ADAMTSL5: variants seen among roughly 807,000 people sequenced by gnomAD.
ADAMTSL5 encodes the protein ADAMTS-like protein 5.
ADAMTSL5 carries 53 observed loss-of-function variants against 51.7 expected under a neutral mutation model. The ratio of observed to expected loss-of-function variants is 1.03; its 90% CI spans 0.82 to 1.29. ADAMTSL5 has a LOEUF of 1.29. Ranked by LOEUF, ADAMTSL5 falls within the 50% of genes most tolerant of loss-of-function variation. The pLI, the probability that ADAMTSL5 is intolerant of heterozygous loss-of-function variation, is 0.00. For synonymous variants in ADAMTSL5, 285 were observed against 278.7 expected (o/e 1.02, Z -0.23); for missense variants, 770 against 676.2 (o/e 1.14, Z -1.54).
chr19:1,512,812 AC>A (rs147132400), intron 1 of ADAMTSL5, among the ~76,000 whole-genome samples, 150 bp downstream of exon 1: 9,854 of 152,028 alleles, frequency 0.065, 392 homozygotes, highest in Middle Eastern at 0.19. Context: ...GGACCACCCT[AC>A]CCCCTCCTCA....
chr19:1,507,144 T>A, intron 9 of ADAMTSL5, 98 bp downstream of exon 9: 2 of 1,007,368 alleles, frequency 2.0e-6, no homozygotes, highest in Non-Finnish European at 1.3e-6. Flanking sequence ...AGACTCCCCC[T>A]TCTGGCCCCA....
In ADAMTSL5 at chr19:1,507,325, T is replaced by TGCC; in HGVS notation, c.766_768dup (p.Gly256dup). ...GTGTCTCGGGTGTAGACCACATGCG[T>TGCC]GCCGGCCGCCTCGTAGGTCCCTGGT... On this transcript the variant is annotated inframe_insertion, in exon 9 of 12. Coordinates refer to ENST00000330475, the MANE Select transcript of ADAMTSL5 (RefSeq NM_213604.3). 6.3e-7 allele frequency: 1 copy of TGCC among 1,595,966 alleles called. No homozygotes were observed. The highest frequency in any genetic ancestry group is 8.5e-7 in the Non-Finnish European group (1 of 1,170,354).
At chr19:1,507,454 A>G (rs1408891037) in intron 8 of ADAMTSL5, 49 bp from the exon 9 acceptor site, 1 of 1,603,978 alleles carries the variant, frequency 6.2e-7, no homozygotes, top group East Asian at 2.2e-5. Flanking sequence ...CGTCTCCCAG[A>G]CCCTGGGGTC....
In ADAMTSL5 at chr19:1,508,499, C is replaced by A; in HGVS notation, c.433G>T (p.Asp145Tyr). 1.3e-6 allele frequency: 2 copies of A among 1,587,436 alleles called. No homozygotes were observed. Among genetic ancestry groups the A allele is most frequent in the Non-Finnish European group, 8.5e-7 (1 of 1,173,712 alleles). ...AFYHSFGRVL[D>Y]GTACSPGAQG... ...GCACCCGGGCTGCAGGCGGTGCCGT[C>A]CAGGACGCGGCCGAAGCTGTGGTAG... Residue 145 changes from aspartate (D) to tyrosine (Y), a missense_variant, in exon 6 of 12, where the codon GAC (aspartate) becomes TAC (tyrosine). Transcript: ENST00000330475.
chr19:1,505,961 A>G lies in ADAMTSL5; in HGVS notation c.*54T>C. 2.1e-6 allele frequency: 3 copies of G among 1,459,318 alleles called. No individual in the cohort carries two copies. In the South Asian group the frequency reaches 4.2e-5, roughly 21 times the overall value. The allele number at this position is 1,459,318 out of a possible 1,614,324, so 90.4% of individuals were successfully genotyped here. A position where few individuals can be genotyped will look rare whatever the true frequency, so the allele number is the denominator to read the frequency against. On this transcript the variant is annotated 3_prime_UTR_variant, in exon 12 of 12. Coordinates refer to ENST00000330475, the MANE Select transcript of ADAMTSL5 (RefSeq NM_213604.3). The stretch of plus-strand genomic sequence containing the variant: ...TGAGAGGGGAAATACGTTGACGTTG[A>G]GGCTGGTCAGATGTATCTTTCTTGC...
chr19:1,510,155 T>C lies in ADAMTSL5; in HGVS notation c.356A>G (p.His119Arg). 1 of 1,609,950 alleles carries C rather than the reference T, an allele frequency of 6.2e-7. No individual in the cohort carries two copies. The highest frequency in any genetic ancestry group is 1.1e-5 in the South Asian group (1 of 90,354). Residue 119 changes from histidine to arginine, a missense_variant, in exon 5 of 12, where the codon CAT becomes CGT. His to Arg is a conservative substitution (Grantham distance 29). Coordinates refer to ENST00000330475, the MANE Select transcript of ADAMTSL5 (RefSeq NM_213604.3). ...CAGGAGACCAGACTACTCACCCCCA[T>C]GGAAGGGCACCCACTGGTAGGTCTT... ...TQKTYQWVPFHGAPNQCDLNC... is the reference protein window; with the variant it reads ...TQKTYQWVPFRGAPNQCDLNC...
In ADAMTSL5 at chr19:1,506,028, C is replaced by A; in HGVS notation, c.1403G>T (p.Arg468Leu). 1 of 1,573,796 alleles carries A rather than the reference C, an allele frequency of 6.4e-7. No individual in the cohort carries two copies. The highest frequency in any genetic ancestry group is 8.6e-7 in the Non-Finnish European group (1 of 1,167,450). Residue 468 changes from arginine to leucine, a missense_variant, in exon 12 of 12, where the codon CGC becomes CTC. Physicochemically the swap from Arg to Leu is moderately radical, Grantham distance 102. Transcript: ENST00000330475. This position sits in a 1 kb window ranked among gnomAD's most constrained non-coding sequence, Gnocchi z 5.6. ...EDSRIRLTAR[R>L]CPG ...TCCTGCAGGGGCTCAGCCAGGACAG[C>A]GCCGGGCAGTCAGGCGTATGCGGCT... is the stretch of plus-strand genomic sequence containing the variant.
intron 7 of ADAMTSL5, 35 bp downstream of exon 7, chr19:1,507,963 G>T: frequency 6.4e-7 from 1 of 1,553,024 alleles, no homozygotes; most frequent in South Asian, 1.2e-5. Context: ...GGCCCACTCT[G>T]ACGTGTGTGC....
intron 9 of ADAMTSL5, 66 bp downstream of exon 9, chr19:1,507,176 T>G: frequency 7.1e-7 from 1 of 1,408,836 alleles, no homozygotes; most frequent in Non-Finnish European, 9.4e-7. Flanking sequence ...TCCTACCCTC[T>G]GTCCCCAGCC....
In ADAMTSL5 at chr19:1,505,362, T is replaced by C. The variant is rs1912863243; in HGVS notation, c.*653A>G. ...CAGCCTAGGTGACAGAGCAAGGGTC[T>C]ACCTCAGAAAAAAAAAAAAAGGAGG... On this transcript the variant is annotated 3_prime_UTR_variant, in exon 12 of 12. Transcript: ENST00000330475. 7.4e-6 allele frequency: 1 copy of C among 134,254 alleles called. No homozygotes were observed. The highest frequency in any genetic ancestry group is 1.6e-5 in the Non-Finnish European group (1 of 61,558). The allele number at this position is 134,254 out of a possible 1,614,324, so 8.3% of individuals were successfully genotyped here.
At chr19:1,508,130 G>A (rs1214076029) in intron 6 of ADAMTSL5, 21 bp from the exon 7 acceptor site, 5 of 1,592,792 alleles carry the variant, frequency 3.1e-6, no homozygotes, top group African/African-American at 1.3e-5. Flanking sequence ...AAGGACAGGC[G>A]CGGCGTCACT....
chr19:1,509,697 G>A (rs1357673972), intron 5 of ADAMTSL5, among the ~76,000 whole-genome samples: 1 of 147,444 alleles, frequency 6.8e-6, no homozygotes, highest in East Asian at 2.0e-4. Context: ...GAAAGGGAAG[G>A]AAGGAAGGAA....
At chr19:1,507,941 G>T (rs1913038167) in intron 7 of ADAMTSL5, 57 bp downstream of exon 7, 1 of 1,515,676 alleles carries the variant, frequency 6.6e-7, no homozygotes, top group Non-Finnish European at 8.9e-7. Context: ...TCCGGGCCAC[G>T]GCTCGTTAAA....
intron 6 of ADAMTSL5, 80 bp downstream of exon 6, chr19:1,508,363 A>C: frequency 9.0e-7 from 1 of 1,110,424 alleles, no homozygotes; most frequent in Non-Finnish European, 1.1e-6. Flanking sequence ...TAATGGGAGG[A>C]GGGCGGAGGT....
At position 1,506,789 on chromosome 19, in the gene ADAMTSL5, G is replaced by A; in HGVS notation, c.992C>T (p.Pro331Leu). The A allele has an allele frequency of 1.9e-6, 3 of 1,542,424 alleles. No individual in the cohort carries two copies. The highest frequency in any genetic ancestry group is 2.6e-6 in the Non-Finnish European group (3 of 1,145,012). ...AGGGGTGACAGCAGGGGCTGCGGGG[G>A]GCTGAGGCTCCACCCCCCGGGGCTG... The part of the protein sequence containing the change: ...QPQPRGVEPQ[P>L]PAAPAVTPAQ... The change falls in exon 10 of 12, where the codon CCC becomes CTC. Residue 331 changes from proline (P) to leucine (L), a missense_variant. Transcript: ENST00000330475. This position sits in a 1 kb window ranked among gnomAD's most constrained non-coding sequence, Gnocchi z 5.6.
chr19:1,506,056 C>T lies in ADAMTSL5; in HGVS notation c.1375G>A (p.Asp459Asn), dbSNP rs1328341502. The change falls in exon 12 of 12, where the codon GAC becomes AAC. Residue 459 changes from aspartate to asparagine, a missense_variant. Physicochemically the swap from Asp to Asn is conservative, Grantham distance 23. Transcript: ENST00000330475. The surrounding 1 kb of genome is among the most constrained non-coding windows in gnomAD (Gnocchi z 5.6). ...GYARPWSPAE[D>N]SRIRLTARRC... Reference sequence around the variant, plus strand: ...CGGGCAGTCAGGCGTATGCGGCTGTCCTCCGCAGGGCTCCAGGGCCGGGCG... The same window carrying T: ...CGGGCAGTCAGGCGTATGCGGCTGTTCTCCGCAGGGCTCCAGGGCCGGGCG... 1 of 1,591,652 alleles carries T rather than the reference C, an allele frequency of 6.3e-7. No homozygotes were observed. The highest frequency in any genetic ancestry group is 8.5e-7 in the Non-Finnish European group (1 of 1,174,434).
In ADAMTSL5 at chr19:1,506,821, C is replaced by T. The variant is rs1297846281; in HGVS notation, c.960G>A (p.Arg320=). ...ARVQALGWPL[R]QPQPRGVEPQ... is the part of the protein sequence containing the mutation. Reference sequence around the variant, plus strand: ...GCTCCACCCCCCGGGGCTGAGGCTGCCTCAGGGGCCAGCCCAGGGCCTGCA... The same window carrying T: ...GCTCCACCCCCCGGGGCTGAGGCTGTCTCAGGGGCCAGCCCAGGGCCTGCA... Residue 320 remains arginine (R), a synonymous_variant, in exon 10 of 12, where the codon AGG becomes AGA. Coordinates refer to ENST00000330475, the MANE Select transcript of ADAMTSL5 (RefSeq NM_213604.3). This position sits in a 1 kb window ranked among gnomAD's most constrained non-coding sequence, Gnocchi z 5.6. 3.2e-6 allele frequency: 5 copies of T among 1,540,850 alleles called. No homozygotes were observed. The highest frequency in any genetic ancestry group is 4.4e-6 in the Non-Finnish European group (5 of 1,144,020).
At chr19:1,508,776 G>A (rs1599287246) in intron 5 of ADAMTSL5, 2 of 525,548 alleles carry the variant, frequency 3.8e-6, no homozygotes, top group East Asian at 3.4e-5. Context: ...GTATCCTGGG[G>A]CTGCATTCAT....
rs1912944860 is a variant in ADAMTSL5 at position 1,506,696 on chromosome 19, C to G, written c.1043-35G>C. On this transcript the variant is annotated intron_variant, in intron 10 of 11. Coordinates refer to ENST00000330475, the MANE Select transcript of ADAMTSL5 (RefSeq NM_213604.3). The surrounding 1 kb of genome is among the most constrained non-coding windows in gnomAD (Gnocchi z 5.6). ...GGGCGGTGCTGTGAGGGGCACAGGCCTCAGTCCCCACTCATCCCCCACCCT... is the reference window on the plus strand; with the variant it reads ...GGGCGGTGCTGTGAGGGGCACAGGCGTCAGTCCCCACTCATCCCCCACCCT... The G allele has an allele frequency of 3.8e-6, 6 of 1,570,206 alleles. No individual in the cohort carries two copies. The East Asian group carries it at 1.2e-4, about 30-fold the overall frequency.
Sources: allele counts gnomAD v4.1 joint callset (sites outside exome capture counted in the v4.1 genomes callset), GRCh38; gene constraint gnomAD v4.1.1; non-coding constraint Gnocchi (gnomAD v3.1); transcripts MANE v1.5; gene names NCBI Gene and HGNC (gene_info 2026-07-23, HGNC 2026-07-21).